Variants in ATP2C1 observed in about 807,000 individuals in gnomAD.
The protein encoded by ATP2C1 is calcium-transporting ATPase type 2C member 1.
Under a neutral mutation model 120.5 loss-of-function variants are expected in ATP2C1, and 31 were observed. The ratio of observed to expected loss-of-function variants is 0.26; its 90% CI spans 0.19 to 0.35. The LOEUF (loss-of-function observed/expected upper bound fraction) is 0.35. Among genes scored for constraint, ATP2C1 ranks in the 10% least tolerant of loss-of-function variants. ATP2C1 has a pLI of 1.00. For missense variants in ATP2C1, 731 were observed against 1,107.5 expected (o/e 0.66, Z 4.83); for synonymous variants, 351 against 358.7 (o/e 0.98, Z 0.24).
chr3:130,983,019 A>T (rs1266512887), intron 20 of ATP2C1, among the ~76,000 whole-genome samples: 1 of 152,146 alleles, frequency 6.6e-6, no homozygotes, highest in Non-Finnish European at 1.5e-5. Context: ...ATCAATTATT[A>T]TTAGAAAACA....
intron 18 of ATP2C1, among the ~76,000 whole-genome samples, chr3:130,978,067 G>A (rs1439367866): frequency 2.0e-5 from 3 of 152,148 alleles, no homozygotes; most frequent in African/African-American, 7.2e-5. Flanking sequence ...TCCATTAGGA[G>A]TGCGCAGAGC....
At chr3:130,918,149 T>C (rs1040837704) in intron 2 of ATP2C1, 3 of 907,438 alleles carry the variant, frequency 3.3e-6, no homozygotes, top group Non-Finnish European at 5.4e-6. Context: ...TGCAGTAGTT[T>C]AGAAAGATTA....
chr3:131,011,427 T>G (rs1486915955), intron 26 of ATP2C1, among the ~76,000 whole-genome samples: 1 of 152,228 alleles, frequency 6.6e-6, no homozygotes, highest in East Asian at 1.9e-4. Flanking sequence ...GAAGACAGTT[T>G]CCAAAGCCTA....
chr3:130,961,159 A>G (rs538124104), intron 12 of ATP2C1, among the ~76,000 whole-genome samples: 1 of 152,062 alleles, frequency 6.6e-6, no homozygotes, highest in Non-Finnish European at 1.5e-5. Flanking sequence ...CATGGGTTAA[A>G]TATAAAATAC....
chr3:130,922,754 T>C (rs1004277779), intron 2 of ATP2C1, among the ~76,000 whole-genome samples: 5 of 152,352 alleles, frequency 3.3e-5, no homozygotes, highest in African/African-American at 1.2e-4. Flanking sequence ...TTTCTATGTA[T>C]TTATGTAGTT....
intron 1 of ATP2C1, chr3:130,851,014 G>T: frequency 2.6e-6 from 2 of 756,914 alleles, no homozygotes; most frequent in Non-Finnish European, 3.8e-6. Context: ...CATTTGTGCT[G>T]GTTTACATGT....
intron 8 of ATP2C1, among the ~76,000 whole-genome samples, chr3:130,949,168 G>C (rs901325090): frequency 6.6e-6 from 1 of 152,174 alleles, no homozygotes; most frequent in East Asian, 1.9e-4. Context: ...CAAAAGCTAA[G>C]ATAGGCTGAA....
intron 18 of ATP2C1, 103 bp downstream of exon 18, chr3:130,975,591 G>A: frequency 7.5e-7 from 1 of 1,328,596 alleles, no homozygotes; most frequent in East Asian, 2.5e-5. Flanking sequence ...CTCACTTCCA[G>A]GATTTGTAGA....
intron 18 of ATP2C1, among the ~76,000 whole-genome samples, chr3:130,975,918 G>A (rs545917067): frequency 4.4e-4 from 67 of 152,306 alleles, no homozygotes; most frequent in Non-Finnish European, 8.2e-4. Context: ...GGGAGGTAAA[G>A]AAGTCCCCAG....
At position 130,862,004 on chromosome 3, in the gene ATP2C1, C is replaced by T. The variant is rs183543522; in HGVS notation, c.108+11076C>T. Among the ~76,000 whole-genome samples, 72 of 152,134 alleles carry T rather than the reference C, an allele frequency of 4.7e-4. 1 individual carries two copies. In the East Asian group the frequency reaches 0.013, roughly 27 times the overall value. On this transcript the variant is annotated intron_variant, in intron 1 of 26. Coordinates refer to the ATP2C1 transcript ENST00000504381. ...AAAAATTTTTTTTGAGATGGAGTTT[C>T]GCTCTGTCGCCCAGGCTGAAGTGCA...
At chr3:130,915,010 G>C (rs2058617003) in intron 2 of ATP2C1, among the ~76,000 whole-genome samples, 1 of 152,120 alleles carries the variant, frequency 6.6e-6, no homozygotes, top group Admixed American at 6.5e-5. Flanking sequence ...TGGATGACAG[G>C]AGGGTTCCTT....
chr3:130,953,370 G>A (rs1434203911), intron 8 of ATP2C1, among the ~76,000 whole-genome samples: 1 of 152,068 alleles, frequency 6.6e-6, no homozygotes, highest in Non-Finnish European at 1.5e-5. Context: ...ATTCCAAAAT[G>A]ATGAAATGAT....
chr3:130,871,518 C>T (rs192124230), intron 1 of ATP2C1, among the ~76,000 whole-genome samples: 177 of 152,346 alleles, frequency 1.2e-3, no homozygotes, highest in South Asian at 0.01. Flanking sequence ...TTCAGAACCA[C>T]TGTTGCAGAT....
chr3:130,866,182 A>T (rs1168522493), intron 1 of ATP2C1, among the ~76,000 whole-genome samples: 2 of 149,552 alleles, frequency 1.3e-5, no homozygotes, highest in Admixed American at 6.7e-5. Context: ...TAAATAAAGC[A>T]AATTATAGAA....
chr3:130,930,243 G>A, intron 2 of ATP2C1, 173 bp from the exon 3 acceptor site: 1 of 647,886 alleles, frequency 1.5e-6, no homozygotes. Context: ...TTGAGAAGTA[G>A]CATGTGGTTA....
intron 20 of ATP2C1, among the ~76,000 whole-genome samples, chr3:130,984,401 T>C (rs906946281): frequency 6.6e-6 from 1 of 152,200 alleles, no homozygotes; most frequent in African/African-American, 2.4e-5. Flanking sequence ...CGTTAACATA[T>C]ATTGCTGAAT....
downstream of ATP2C1, among the ~76,000 whole-genome samples, chr3:131,005,130 T>TA (rs1261181685): frequency 7.3e-5 from 11 of 149,702 alleles, no homozygotes; most frequent in Admixed American, 6.6e-4. Flanking sequence ...TTTTTTTTTT[T>TA]TTTGAGGCAG....
chr3:130,944,985 A>G (rs1353670324), intron 8 of ATP2C1, among the ~76,000 whole-genome samples: 1 of 152,158 alleles, frequency 6.6e-6, no homozygotes, highest in Non-Finnish European at 1.5e-5. Flanking sequence ...GTTATACTAT[A>G]TTTTTAAAAG....
intron 7 of ATP2C1, among the ~76,000 whole-genome samples, chr3:130,941,287 C>T (rs958755165): frequency 7.5e-5 from 11 of 147,508 alleles, no homozygotes; most frequent in South Asian, 4.2e-4. Context: ...CGCGCACGCG[C>T]GCATGCATGC....
Sources: gnomAD v4.1 joint callset for allele counts (sites outside exome capture counted in the v4.1 genomes callset) on GRCh38, gnomAD v4.1.1 for gene constraint, MANE v1.5 for transcripts, NCBI Gene and HGNC (gene_info 2026-07-23, HGNC 2026-07-21) for gene names.